WDR7: variants seen among roughly 807,000 people sequenced by gnomAD.
WDR7 encodes WD repeat domain 7, also known as WD repeat-containing protein 7.
In WDR7, 46 loss-of-function variants were observed where a neutral mutation model predicts 169.4. That is an observed-to-expected ratio of 0.27 (90% CI 0.21 to 0.35). WDR7 has a LOEUF of 0.35. Among genes scored for constraint, WDR7 ranks in the 10% least tolerant of loss-of-function variants. The pLI is 1.00. For missense variants in WDR7, 1,534 were observed against 1,859.3 expected (o/e 0.83, Z 3.22); for synonymous variants, 612 against 666.8 (o/e 0.92, Z 1.27).
intron 23 of WDR7, among the ~76,000 whole-genome samples, chr18:56,937,500 C>G (rs2046976406): frequency 6.6e-6 from 1 of 152,164 alleles, no homozygotes; most frequent in Admixed American, 6.5e-5. Flanking sequence ...CTGACCTCTA[C>G]CCCGTTTCTA....
intron 26 of WDR7, among the ~76,000 whole-genome samples, chr18:56,975,516 T>G (rs1336522187): frequency 6.6e-6 from 1 of 152,022 alleles, no homozygotes; most frequent in Non-Finnish European, 1.5e-5. Context: ...ACAGATTGCT[T>G]TATAGTTTGG....
intron 21 of WDR7, among the ~76,000 whole-genome samples, chr18:56,880,702 A>G (rs2046094303): frequency 1.3e-5 from 2 of 152,246 alleles, no homozygotes; most frequent in South Asian, 4.1e-4. Context: ...ATGATGAATT[A>G]TGAATTAACC....
intron 6 of WDR7, 50 bp downstream of exon 6, chr18:56,686,082 T>A: frequency 6.7e-7 from 1 of 1,492,590 alleles, no homozygotes; most frequent in Non-Finnish European, 9.0e-7. Context: ...TCTCTGTAGC[T>A]CAAAATTTTA....
intron 14 of WDR7, among the ~76,000 whole-genome samples, chr18:56,739,241 A>G (rs1156655685): frequency 6.6e-6 from 1 of 151,916 alleles, no homozygotes; most frequent in Non-Finnish European, 1.5e-5. Flanking sequence ...TTTAAATTTT[A>G]CTTTCCCCTT....
chr18:56,709,616 A>C (rs2026038953), intron 12 of WDR7, among the ~76,000 whole-genome samples: 1 of 152,222 alleles, frequency 6.6e-6, no homozygotes, highest in African/African-American at 2.4e-5. Context: ...GACAGTTAGC[A>C]AATGGCAGAG....
intron 20 of WDR7, among the ~76,000 whole-genome samples, chr18:56,864,492 G>T (rs369253373): frequency 8.6e-5 from 13 of 151,786 alleles, no homozygotes; most frequent in South Asian, 8.3e-4. Flanking sequence ...ACTTGAAATG[G>T]AGAGGATTAG....
At chr18:56,749,233 G>A (rs1421269) in intron 14 of WDR7, among the ~76,000 whole-genome samples, 87,572 of 151,810 alleles carry the variant, frequency 0.58, 25,412 homozygotes, top group African/African-American at 0.65. Context: ...GCAATAAACC[G>A]TTTTTCACAT....
intron 19 of WDR7, among the ~76,000 whole-genome samples, chr18:56,796,242 G>A (rs936906156): frequency 7.9e-5 from 12 of 152,196 alleles, no homozygotes; most frequent in African/African-American, 2.4e-4. Flanking sequence ...AGGCAACTAA[G>A]AGGTTTCACT....
intron 25 of WDR7, among the ~76,000 whole-genome samples, chr18:56,952,391 A>G (rs890059013): frequency 2.0e-5 from 3 of 152,232 alleles, no homozygotes; most frequent in Admixed American, 6.5e-5. Context: ...TTTTCTCGTG[A>G]CTGACTTACA....
At chr18:56,993,989 A>G (rs2047857303) in intron 26 of WDR7, among the ~76,000 whole-genome samples, 1 of 134,880 alleles carries the variant, frequency 7.4e-6, no homozygotes, top group African/African-American at 2.7e-5. Context: ...CTCTTTATTT[A>G]TTTTTTTCAT....
intron 19 of WDR7, among the ~76,000 whole-genome samples, chr18:56,788,514 A>G (rs2044436593): frequency 6.6e-6 from 1 of 152,190 alleles, no homozygotes; most frequent in Non-Finnish European, 1.5e-5. Context: ...AAACTGGCTA[A>G]GAATAAGAGC....
At chr18:56,951,887 A>G (rs2047189597) in intron 25 of WDR7, among the ~76,000 whole-genome samples, 1 of 152,212 alleles carries the variant, frequency 6.6e-6, no homozygotes, top group South Asian at 2.1e-4. Flanking sequence ...GTGAGTTATA[A>G]CTATCAATAT....
intron 26 of WDR7, among the ~76,000 whole-genome samples, chr18:56,967,047 A>T (rs1186314026): frequency 6.6e-6 from 1 of 152,222 alleles, no homozygotes; most frequent in Admixed American, 6.5e-5. Context: ...GGCGATTATT[A>T]TATTAAAATA....
At chr18:57,032,705 G>T (rs2048447272), downstream of WDR7, 3 of 158,808 alleles carry the variant, frequency 1.9e-5, no homozygotes, top group Admixed American at 2.0e-4. Context: ...TGATCTGTCA[G>T]TGTATCCCAT....
chr18:56,794,304 A>ATTTTTTTTTTTTTTTTGT (rs2044544727), intron 19 of WDR7, among the ~76,000 whole-genome samples: 1 of 49,466 alleles, frequency 2.0e-5, no homozygotes, highest in Non-Finnish European at 3.8e-5. Flanking sequence ...GGTAAAGTCT[A>ATTTTTTTTTTTTTTTTGT]TTTTTTTTTT....
At chr18:56,808,569 A>G (rs909284751) in intron 19 of WDR7, among the ~76,000 whole-genome samples, 2 of 152,204 alleles carry the variant, frequency 1.3e-5, no homozygotes, top group Non-Finnish European at 2.9e-5. Flanking sequence ...TTATATTTCC[A>G]TATTGGTTAA....
intron 27 of WDR7, among the ~76,000 whole-genome samples, chr18:57,024,520 T>A (rs935229377): frequency 6.2e-5 from 9 of 144,254 alleles, no homozygotes; most frequent in African/African-American, 2.0e-4. Context: ...GGATTTCACA[T>A]ATCCCTATTC....
intron 19 of WDR7, among the ~76,000 whole-genome samples, chr18:56,783,047 A>AT (rs2044343295): frequency 6.6e-6 from 1 of 152,164 alleles, no homozygotes; most frequent in Non-Finnish European, 1.5e-5. Context: ...AGTATCACAC[A>AT]TTAACAGCTC....
intron 20 of WDR7, 152 bp downstream of exon 20, chr18:56,816,296 C>G (rs1384162617): frequency 3.1e-6 from 2 of 645,162 alleles, no homozygotes; most frequent in African/African-American, 3.7e-5. Context: ...GTTCAGTGTC[C>G]TCTTTAATTT....
Sources: gnomAD v4.1 joint callset for allele counts (sites outside exome capture counted in the v4.1 genomes callset) on GRCh38, gnomAD v4.1.1 for gene constraint, MANE v1.5 for transcripts, NCBI Gene and HGNC (gene_info 2026-07-23, HGNC 2026-07-21) for gene names.